PKP1: variants seen among roughly 807,000 people sequenced by gnomAD.
PKP1 encodes plakophilin-1.
PKP1 carries 27 observed loss-of-function variants against 76.4 expected under a neutral mutation model. The ratio of observed to expected loss-of-function variants is 0.35; its 90% CI spans 0.26 to 0.49. The LOEUF (loss-of-function observed/expected upper bound fraction) is 0.49. Among genes scored for constraint, PKP1 ranks in the 20% least tolerant of loss-of-function variants. The pLI, the probability that PKP1 is intolerant of heterozygous loss-of-function variation, is 0.99. For synonymous variants in PKP1, 404 were observed against 384.2 expected (o/e 1.05, Z -0.60); for missense variants, 964 against 955.2 (o/e 1.01, Z -0.12).
chr1:201,324,415 C>T lies in PKP1; in HGVS notation c.1681-13C>T. 1 of 1,614,048 alleles carries T rather than the reference C, an allele frequency of 6.2e-7. No homozygotes were observed. Among genetic ancestry groups the T allele is most frequent in the Non-Finnish European group, 8.5e-7 (1 of 1,179,918 alleles). On this transcript the variant is annotated splice_polypyrimidine_tract_variant and intron_variant, in intron 9 of 13. Coordinates refer to ENST00000367324, the MANE Select transcript of PKP1 (RefSeq NM_001005337.3). ...GCCACAGGCTAGCTCATCATCTACT[C>T]CTTCTCTCTTAGATGTCCAGTGGCA...
intron 10 of PKP1, 121 bp from the exon 11 acceptor site, chr1:201,324,820 G>A (rs1344051811): frequency 4.4e-6 from 5 of 1,134,106 alleles, no homozygotes; most frequent in Non-Finnish European, 6.5e-6. Context: ...AGGAAGCCCT[G>A]AGGGCCACCT....
At chr1:201,296,244 G>A (rs981998837) in intron 2 of PKP1, among the ~76,000 whole-genome samples, 24 of 152,230 alleles carry the variant, frequency 1.6e-4, no homozygotes, top group Non-Finnish European at 2.6e-4. Flanking sequence ...TGATATTGGA[G>A]CCAGACATAT....
chr1:201,325,676 G>C, intron 11 of PKP1, 78 bp from the exon 12 acceptor site: 1 of 1,088,144 alleles, frequency 9.2e-7, no homozygotes, highest in Non-Finnish European at 1.4e-6. Context: ...CCCTGGCAGT[G>C]GGGGTGGGAG....
chr1:201,325,694 G>A (rs1432039198), intron 11 of PKP1, 60 bp from the exon 12 acceptor site: 5 of 1,276,500 alleles, frequency 3.9e-6, no homozygotes, highest in Admixed American at 3.4e-5. Flanking sequence ...GAGGGAAGAG[G>A]GTGCTCCTTC....
intron 9 of PKP1, among the ~76,000 whole-genome samples, chr1:201,323,953 C>G (rs973953895): frequency 5.3e-5 from 8 of 152,166 alleles, no homozygotes; most frequent in African/African-American, 1.9e-4. Flanking sequence ...TCTTAGCCCT[C>G]TTTTCTCAGG....
rs1176377243 is a variant in PKP1 at position 201,325,859 on chromosome 1, C to T, written c.2106+21C>T. The T allele has an allele frequency of 1.9e-6, 3 of 1,579,858 alleles. No homozygotes were observed. The African/African-American group carries it at 4.0e-5, about 21-fold the overall frequency. ...GACAGGTAAGAGCCCAGGACATCAT[C>T]CTCTTCTGAGGTTCTTCCTGCTCAT... On this transcript the variant is annotated intron_variant, in intron 12 of 13. Transcript: ENST00000367324.
intron 2 of PKP1, among the ~76,000 whole-genome samples, chr1:201,309,699 C>T (rs998689918): frequency 6.6e-6 from 1 of 152,198 alleles, no homozygotes; most frequent in Non-Finnish European, 1.5e-5. Context: ...ACGTGCACTG[C>T]CCGTGCATCC....
chr1:201,301,712 G>T (rs1353991990), intron 2 of PKP1, among the ~76,000 whole-genome samples: 1 of 151,556 alleles, frequency 6.6e-6, no homozygotes, highest in Admixed American at 6.6e-5. Flanking sequence ...AGCAGAAATT[G>T]GTGGAGTTTC....
Position 201,325,785 on chromosome 1 carries a change from C to A in PKP1, c.2053C>A (p.Leu685Ile). The change falls in exon 12 of 14, where the codon CTT becomes ATT. Residue 685 changes from leucine to isoleucine, a missense_variant. By Grantham distance (5) the Leu-to-Ile change is conservative. Coordinates refer to ENST00000367324, the MANE Select transcript of PKP1 (RefSeq NM_001005337.3). ...ACCCAAGGCCGCAGAAGCTGCCCGG[C>A]TTCTCCTGTCTGACATGTGGTCCAG... ...ASPKAAEAAR[L>I]LLSDMWSSKE... is the part of the protein sequence containing the mutation. 6.2e-7 allele frequency: 1 copy of A among 1,614,100 alleles called. No homozygotes were observed. Among genetic ancestry groups the A allele is most frequent in the Non-Finnish European group, 8.5e-7 (1 of 1,179,964 alleles).
chr1:201,325,247 C>T, intron 11 of PKP1, 120 bp downstream of exon 11: 1 of 1,040,852 alleles, frequency 9.6e-7, no homozygotes, highest in Non-Finnish European at 1.5e-6. Context: ...GCAGGGGGAG[C>T]CAGGGACGGG....
At chr1:201,320,063 C>G (rs1377012473) in intron 6 of PKP1, 3 of 713,354 alleles carry the variant, frequency 4.2e-6, no homozygotes, top group Admixed American at 4.1e-5. Context: ...ATCTTTTCCT[C>G]TCTTCATTCC....
intron 2 of PKP1, among the ~76,000 whole-genome samples, chr1:201,311,376 T>C (rs1381407040): frequency 6.6e-6 from 1 of 152,212 alleles, no homozygotes; most frequent in Non-Finnish European, 1.5e-5. Flanking sequence ...TGGAGTAGGT[T>C]GGTTGACCCA....
At chr1:201,293,840 C>G (rs1655996549) in intron 1 of PKP1, 102 bp from the exon 2 acceptor site, 1 of 777,528 alleles carries the variant, frequency 1.3e-6, no homozygotes, top group African/African-American at 1.7e-5. Context: ...CTGGTCTCCT[C>G]CATGGGCATA....
chr1:201,304,855 G>A (rs1284504106), intron 2 of PKP1, among the ~76,000 whole-genome samples: 1 of 152,220 alleles, frequency 6.6e-6, no homozygotes, highest in Admixed American at 6.5e-5. Context: ...CGTGGCCTTG[G>A]ACCAGCCTAA....
intron 13 of PKP1, 43 bp downstream of exon 13, chr1:201,328,911 C>T: frequency 1.7e-6 from 2 of 1,176,080 alleles, no homozygotes; most frequent in Non-Finnish European, 2.6e-6. Context: ...GGGACCACTG[C>T]AACAGCCTCA....
intron 11 of PKP1, 104 bp from the exon 12 acceptor site, chr1:201,325,650 C>A: frequency 1.1e-6 from 1 of 879,464 alleles, no homozygotes; most frequent in Non-Finnish European, 1.9e-6. Flanking sequence ...CCTCTGAGGC[C>A]TCCCCTGTGT....
intron 12 of PKP1, among the ~76,000 whole-genome samples, chr1:201,327,767 C>T (rs1222949265): frequency 1.3e-5 from 2 of 152,070 alleles, no homozygotes; most frequent in African/African-American, 2.4e-5. Context: ...CTAGTTGGTG[C>T]GTCTGTTCCC....
intron 2 of PKP1, among the ~76,000 whole-genome samples, chr1:201,295,031 C>T (rs897965431): frequency 6.6e-6 from 1 of 151,922 alleles, no homozygotes; most frequent in South Asian, 2.1e-4. Flanking sequence ...TTTTGTAAGG[C>T]CCTCAAGACA....
chr1:201,317,990 C>A (rs1656815358), intron 5 of PKP1, among the ~76,000 whole-genome samples: 1 of 152,192 alleles, frequency 6.6e-6, no homozygotes, highest in South Asian at 2.1e-4. Context: ...TGTGCACACA[C>A]AAGGGGTCAC....
Sources: gnomAD v4.1 joint callset for allele counts (sites outside exome capture counted in the v4.1 genomes callset) on GRCh38, gnomAD v4.1.1 for gene constraint, MANE v1.5 for transcripts, NCBI Gene and HGNC (gene_info 2026-07-23, HGNC 2026-07-21) for gene names.